Variants in TCF12 observed in about 807,000 individuals in gnomAD.
The protein encoded by TCF12 is transcription factor 12.
In TCF12, 45 loss-of-function variants were observed where a neutral mutation model predicts 86.0. The observed-to-expected ratio is 0.52, with a 90% CI of 0.41 to 0.67. TCF12 has a LOEUF of 0.67. Ranked by LOEUF, TCF12 falls within the 30% of genes least tolerant of loss-of-function variation. The pLI, the probability that TCF12 is intolerant of heterozygous loss-of-function variation, is 0.00. For synonymous variants in TCF12, 330 were observed against 299.6 expected (o/e 1.10, Z -1.05); for missense variants, 881 against 859.9 (o/e 1.02, Z -0.31).
intron 3 of TCF12, among the ~76,000 whole-genome samples, chr15:57,000,780 C>T (rs1477616559): frequency 6.6e-6 from 1 of 151,938 alleles, no homozygotes; most frequent in Non-Finnish European, 1.5e-5. Flanking sequence ...GCACACCAAG[C>T]CTGATTATTT....
intron 12 of TCF12, among the ~76,000 whole-genome samples, chr15:57,237,495 G>A (rs1364917236): frequency 1.3e-5 from 2 of 152,120 alleles, no homozygotes; most frequent in African/African-American, 4.8e-5. Flanking sequence ...ATTTGTTGGA[G>A]TAAAATGAGG....
At chr15:57,240,176 G>C (rs923211116) in intron 12 of TCF12, among the ~76,000 whole-genome samples, 10 of 152,140 alleles carry the variant, frequency 6.6e-5, no homozygotes, top group African/African-American at 2.4e-4. Flanking sequence ...AATGACAACT[G>C]TATATCTGTA....
At chr15:57,192,452 A>G (rs567444417) in intron 7 of TCF12, among the ~76,000 whole-genome samples, 159 bp downstream of exon 7, 1 of 151,818 alleles carries the variant, frequency 6.6e-6, no homozygotes, top group African/African-American at 2.4e-5. Context: ...GCAACAGCAC[A>G]ATCTTGGCTT....
At chr15:57,081,327 A>C (rs1033527846) in intron 4 of TCF12, among the ~76,000 whole-genome samples, 6 of 152,278 alleles carry the variant, frequency 3.9e-5, no homozygotes, top group Non-Finnish European at 7.3e-5. Flanking sequence ...CTCTGGACAG[A>C]CAGCCTGGAT....
intron 3 of TCF12, among the ~76,000 whole-genome samples, chr15:57,020,410 G>A (rs2065408779): frequency 6.6e-6 from 1 of 152,170 alleles, no homozygotes; most frequent in South Asian, 2.1e-4. Flanking sequence ...TGTTTTGCAT[G>A]TGTTAGTAGG....
chr15:57,219,513 A>C (rs746941271), intron 8 of TCF12: 4 of 1,610,502 alleles, frequency 2.5e-6, no homozygotes, highest in Non-Finnish European at 3.4e-6. Context: ...TAACATTTTC[A>C]AAATCAACAT....
chr15:57,020,189 A>G (rs1424764312), intron 3 of TCF12, among the ~76,000 whole-genome samples: 2 of 152,226 alleles, frequency 1.3e-5, no homozygotes, highest in African/African-American at 4.8e-5. Flanking sequence ...ACACCAGAAA[A>G]TCTAGGACAT....
At position 57,255,329 on chromosome 15, in the gene TCF12, T is replaced by A. The variant is rs1373997883; in HGVS notation, c.1467+1861T>A. Among the ~76,000 whole-genome samples the A allele has an allele frequency of 2.0e-5, 3 of 152,152 alleles. No homozygotes were observed. The East Asian group carries it at 5.8e-4, about 29-fold the overall frequency. On this transcript the variant is annotated intron_variant, in intron 16 of 20. Coordinates refer to ENST00000333725, the MANE Select transcript of TCF12 (RefSeq NM_207037.2). The stretch of plus-strand genomic sequence containing the variant: ...AAGCCACCTAGAAACCTAGTGCATT[T>A]TAGAAGACTGTTAGAGGGAAAAACT...
At chr15:57,249,776 C>A (rs1037786549) in intron 13 of TCF12, among the ~76,000 whole-genome samples, 2 of 152,092 alleles carry the variant, frequency 1.3e-5, no homozygotes, top group Non-Finnish European at 2.9e-5. Flanking sequence ...ACTTCGATTT[C>A]TAATATAATT....
At chr15:57,194,718 G>A (rs2057162474) in intron 7 of TCF12, among the ~76,000 whole-genome samples, 1 of 152,032 alleles carries the variant, frequency 6.6e-6, no homozygotes, top group Non-Finnish European at 1.5e-5. Flanking sequence ...ACTTGTGTTA[G>A]GCACTCCCCT....
intron 4 of TCF12, among the ~76,000 whole-genome samples, chr15:57,067,858 G>A (rs2069036385): frequency 6.6e-6 from 1 of 152,144 alleles, no homozygotes. Flanking sequence ...GAGACTGAAA[G>A]GAGTGATTAA....
At chr15:57,169,512 C>T (rs1382567375) in intron 6 of TCF12, among the ~76,000 whole-genome samples, 4 of 152,076 alleles carry the variant, frequency 2.6e-5, no homozygotes, top group Non-Finnish European at 4.4e-5. Context: ...TAGTAGATCT[C>T]TGAAGGTTAA....
chr15:57,074,815 A>G (rs1263269437), intron 4 of TCF12, among the ~76,000 whole-genome samples: 1 of 152,240 alleles, frequency 6.6e-6, no homozygotes, highest in Non-Finnish European at 1.5e-5. Flanking sequence ...ATTCTAGGAA[A>G]GGAAGAGATT....
At chr15:57,046,238 G>A (rs1444784110) in intron 3 of TCF12, among the ~76,000 whole-genome samples, 1 of 152,144 alleles carries the variant, frequency 6.6e-6, no homozygotes, top group Non-Finnish European at 1.5e-5. Context: ...CACATAGCTA[G>A]CAAATATCAA....
At chr15:57,231,543 A>G (rs74016141) in intron 9 of TCF12, among the ~76,000 whole-genome samples, 1 of 152,266 alleles carries the variant, frequency 6.6e-6, no homozygotes, top group African/African-American at 2.4e-5. Context: ...TTTAGAATTG[A>G]AATGTATGAA....
intron 5 of TCF12, among the ~76,000 whole-genome samples, chr15:57,143,562 G>T (rs767844324): frequency 1.2e-4 from 19 of 152,130 alleles, no homozygotes; most frequent in Admixed American, 2.6e-4. Flanking sequence ...TCCATGTATA[G>T]AGAAGGAAAA....
At chr15:57,195,667 C>A (rs1293897465) in intron 7 of TCF12, among the ~76,000 whole-genome samples, 3 of 152,180 alleles carry the variant, frequency 2.0e-5, no homozygotes, top group Non-Finnish European at 2.9e-5. Context: ...TTTGCAGCCT[C>A]CTGGGATATT....
chr15:56,923,361 G>A (rs190602749), intron 3 of TCF12, among the ~76,000 whole-genome samples: 1 of 151,966 alleles, frequency 6.6e-6, no homozygotes, highest in African/African-American at 2.4e-5. Flanking sequence ...TATGAGTGTC[G>A]GAAGTCACTC....
intron 3 of TCF12, among the ~76,000 whole-genome samples, chr15:56,931,114 G>T (rs2060228979): frequency 6.6e-6 from 1 of 151,756 alleles, no homozygotes; most frequent in African/African-American, 2.4e-5. Flanking sequence ...CTCACAGTAA[G>T]AACTTTTTGT....
Sources: allele counts gnomAD v4.1 joint callset (sites outside exome capture counted in the v4.1 genomes callset), GRCh38; gene constraint gnomAD v4.1.1; transcripts MANE v1.5; gene names NCBI Gene and HGNC (gene_info 2026-07-23, HGNC 2026-07-21).